The following BRINP2 variants were observed in gnomAD, a reference collection of about 807,000 sequenced individuals.
The protein encoded by BRINP2 is BMP/retinoic acid inducible neural specific 2, also known as BMP/retinoic acid-inducible neural-specific protein 2.
A neutral mutation model predicts 69.2 loss-of-function variants in BRINP2; 21 were observed. The ratio of observed to expected loss-of-function variants is 0.30; its 90% confidence interval spans 0.22 to 0.44. The LOEUF is 0.44. Among genes scored for constraint, BRINP2 ranks in the 20% least tolerant of loss-of-function variants. The pLI is 1.00. For synonymous variants in BRINP2, 380 were observed against 394.1 expected (o/e 0.96, Z 0.42); for missense variants, 877 against 986.0 (o/e 0.89, Z 1.48).
chr1:177,215,446 T>A (rs1045726810), intron 1 of BRINP2, among the ~76,000 whole-genome samples: 1 of 152,200 alleles, frequency 6.6e-6, no homozygotes, highest in Non-Finnish European at 1.5e-5. Flanking sequence ...CTAATTTTTT[T>A]ATAGCCATTG....
In BRINP2 at chr1:177,198,640, G is replaced by A. The variant is rs185885465; in HGVS notation, c.-77+26908G>A. Among the ~76,000 whole-genome samples, 190 of 152,318 alleles carry A rather than the reference G, an allele frequency of 1.2e-3. 1 individual carries two copies. The highest frequency in any genetic ancestry group is 4.1e-3 in the African/African-American group (171 of 41,570). On this transcript the variant is annotated intron_variant, in intron 1 of 7. Coordinates refer to ENST00000361539, the MANE Select transcript of BRINP2 (RefSeq NM_021165.4). ...GAGCATAGAAGAACTAGCCAGAGAA[G>A]AGATGTCAGAAAAGAGTCCATTATC...
At chr1:177,231,846 A>T (rs976594144) in intron 2 of BRINP2, among the ~76,000 whole-genome samples, 4 of 152,204 alleles carry the variant, frequency 2.6e-5, no homozygotes, top group Admixed American at 2.6e-4. Flanking sequence ...GTAAAAGCAG[A>T]TGAGTAGAAG....
chr1:177,225,094 C>T (rs2102321764), intron 1 of BRINP2, among the ~76,000 whole-genome samples: 1 of 152,314 alleles, frequency 6.6e-6, no homozygotes, highest in Admixed American at 6.5e-5. Context: ...CAAAAAAATT[C>T]CCAAGAAGTC....
intron 2 of BRINP2, among the ~76,000 whole-genome samples, chr1:177,240,889 G>T (rs1004318669): frequency 2.6e-5 from 4 of 152,106 alleles, no homozygotes; most frequent in Admixed American, 6.5e-5. Context: ...AGCCAGTGAA[G>T]ACAACCAGTC....
At chr1:177,176,222 G>C (rs933369369) in intron 1 of BRINP2, among the ~76,000 whole-genome samples, 1 of 152,074 alleles carries the variant, frequency 6.6e-6, no homozygotes, top group Non-Finnish European at 1.5e-5. Flanking sequence ...TACCTCACAG[G>C]ACTAAGCTCT....
intron 4 of BRINP2, among the ~76,000 whole-genome samples, chr1:177,267,417 T>G (rs932359736): frequency 6.6e-6 from 1 of 152,228 alleles, no homozygotes; most frequent in Non-Finnish European, 1.5e-5. Flanking sequence ...GACTTCAACT[T>G]ACATGTAACT....
chr1:177,262,180 T>C (rs893808885), intron 4 of BRINP2, among the ~76,000 whole-genome samples: 2 of 152,156 alleles, frequency 1.3e-5, no homozygotes, highest in Admixed American at 1.3e-4. Flanking sequence ...TTTTTGTTTT[T>C]AAGATGGGAG....
chr1:177,201,541 ATT>A (rs1175425124), intron 1 of BRINP2, among the ~76,000 whole-genome samples: 5 of 152,116 alleles, frequency 3.3e-5, no homozygotes, highest in African/African-American at 1.2e-4. Context: ...AACACTGAAA[ATT>A]TTTTGCTTGA....
Position 177,230,156 on chromosome 1 carries a change from G to C in BRINP2, c.269+11G>C. ...GTACAGGATTTATAGGTAAGTGGGGGCCTCCACTGAGACAGGGGCTTCCCT... is the reference window on the plus strand; with the variant it reads ...GTACAGGATTTATAGGTAAGTGGGGCCCTCCACTGAGACAGGGGCTTCCCT... On this transcript the variant is annotated intron_variant, in intron 2 of 7. Coordinates refer to ENST00000361539, the MANE Select transcript of BRINP2 (RefSeq NM_021165.4). 1 of 1,584,102 alleles carries C rather than the reference G, an allele frequency of 6.3e-7. No homozygotes were observed. Among genetic ancestry groups the C allele is most frequent in the Non-Finnish European group, 8.6e-7 (1 of 1,161,672 alleles).
chr1:177,255,865 C>A, intron 2 of BRINP2, 54 bp from the exon 3 acceptor site: 2 of 1,547,702 alleles, frequency 1.3e-6, no homozygotes, highest in South Asian at 2.3e-5. Flanking sequence ...AGATTTTATG[C>A]CTCTTGCTCT....
intron 1 of BRINP2, among the ~76,000 whole-genome samples, chr1:177,214,523 A>G (rs1240948501): frequency 3.3e-5 from 5 of 152,216 alleles, no homozygotes; most frequent in Non-Finnish European, 5.9e-5. Flanking sequence ...TGATGAACAC[A>G]AGTAAAACCT....
chr1:177,273,321 A>G (rs191123957), intron 4 of BRINP2, among the ~76,000 whole-genome samples, 167 bp from the exon 5 acceptor site: 8 of 152,328 alleles, frequency 5.3e-5, no homozygotes, highest in African/African-American at 1.9e-4. Context: ...GCCTCAGGCC[A>G]AGGAAGAAAG....
chr1:177,256,663 C>T, intron 3 of BRINP2: 2 of 1,038,896 alleles, frequency 1.9e-6, no homozygotes, highest in Non-Finnish European at 2.3e-6. Context: ...CTCCCTCTGC[C>T]CTGGGAAGAA....
At chr1:177,205,840 T>C (rs572451388) in intron 1 of BRINP2, among the ~76,000 whole-genome samples, 2 of 152,320 alleles carry the variant, frequency 1.3e-5, no homozygotes, top group African/African-American at 4.8e-5. Context: ...ATGTGACAGC[T>C]AGGCTTCAAG....
chr1:177,248,046 C>T (rs549731526), intron 2 of BRINP2, among the ~76,000 whole-genome samples: 21 of 151,946 alleles, frequency 1.4e-4, no homozygotes, highest in Non-Finnish European at 2.9e-4. Context: ...GGAAATGGGC[C>T]GGAACATGCT....
intron 5 of BRINP2, chr1:177,275,259 C>T: frequency 2.2e-6 from 1 of 456,214 alleles, no homozygotes; most frequent in South Asian, 1.5e-5. Context: ...CTGGTAGTTA[C>T]TGCAGTTGGG....
At chr1:177,229,203 T>C (rs1649789154) in intron 1 of BRINP2, among the ~76,000 whole-genome samples, 1 of 152,138 alleles carries the variant, frequency 6.6e-6, no homozygotes, top group African/African-American at 2.4e-5. Flanking sequence ...TCTTAGAAAT[T>C]AACTCTTCAA....
intron 2 of BRINP2, among the ~76,000 whole-genome samples, chr1:177,236,165 C>T (rs1480468067): frequency 6.6e-6 from 1 of 152,156 alleles, no homozygotes; most frequent in African/African-American, 2.4e-5. Context: ...CCAGTACTGC[C>T]TAAACACACA....
At chr1:177,251,228 G>C (rs1650571740) in intron 2 of BRINP2, among the ~76,000 whole-genome samples, 1 of 152,136 alleles carries the variant, frequency 6.6e-6, no homozygotes, top group Non-Finnish European at 1.5e-5. Flanking sequence ...CCTGCAAATG[G>C]GCAGGTTAAA....
Sources: gnomAD v4.1 joint callset for allele counts (sites outside exome capture counted in the v4.1 genomes callset) on GRCh38, gnomAD v4.1.1 for gene constraint, MANE v1.5 for transcripts, NCBI Gene and HGNC (gene_info 2026-07-23, HGNC 2026-07-21) for gene names.